SASH1: variants seen among roughly 807,000 people sequenced by gnomAD.
SASH1 encodes the protein SAM and SH3 domain-containing protein 1.
In SASH1, 44 loss-of-function variants were observed where a neutral mutation model predicts 125.2. That is an observed-to-expected ratio of 0.35 (90% confidence interval 0.28 to 0.45). SASH1 has a LOEUF of 0.45. Ranked by LOEUF, SASH1 falls within the 20% of genes least tolerant of loss-of-function variation. The pLI is 1.00. For missense variants in SASH1, 1,426 were observed against 1,614.5 expected (o/e 0.88, Z 2.00); for synonymous variants, 639 against 649.1 (o/e 0.98, Z 0.24).
intron 15 of SASH1, among the ~76,000 whole-genome samples, 184 bp downstream of exon 15, chr6:148,534,164 C>T (rs1034912603): frequency 6.6e-6 from 1 of 152,138 alleles, no homozygotes; most frequent in Non-Finnish European, 1.5e-5. Flanking sequence ...ACCAGTTTTC[C>T]AACACTGCCC....
In SASH1 at chr6:148,548,517, G is replaced by T; in HGVS notation, c.3703G>T (p.Ala1235Ser). 1.2e-6 allele frequency: 2 copies of T among 1,613,292 alleles called. No individual in the cohort carries two copies. The highest frequency in any genetic ancestry group is 8.5e-7 in the Non-Finnish European group (1 of 1,179,596). The stretch of plus-strand genomic sequence containing the variant: ...ACACATAAGAAAGCTCCTATCTGCA[G>T]CCAGACTCTTCAAACTGCCGCCAGG... ...ERHIRKLLSA[A>S]RLFKLPPGPE... is the part of the protein sequence containing the mutation. Residue 1235 changes from alanine to serine, a missense_variant, in exon 20 of 20, where the codon GCC becomes TCC. Ala to Ser is a moderately conservative substitution (Grantham distance 99). Coordinates refer to ENST00000367467, the MANE Select transcript of SASH1 (RefSeq NM_015278.5).
rs115853453 is a variant in SASH1, at chr6:148,297,195, C to T, written n.74+24818C>T. On this transcript the variant is annotated intron_variant and non_coding_transcript_variant, in intron 1 of 3. Transcript: ENST00000367469. ...GGTGCACGCTGTCGCGGGGAGCAGC[C>T]GACCTTCCAGAACTACAAAGGAGAG... Among the ~76,000 whole-genome samples, 228 of 152,322 alleles carry T rather than the reference C, an allele frequency of 1.5e-3. 1 individual carries two copies. The highest frequency in any genetic ancestry group is 5.3e-3 in the African/African-American group (221 of 41,582).
intron 19 of SASH1, among the ~76,000 whole-genome samples, chr6:148,546,439 CAGG>C (rs1288108947): frequency 1.3e-5 from 2 of 152,156 alleles, no homozygotes; most frequent in African/African-American, 4.8e-5. Context: ...GAGGCAGAAG[CAGG>C]AGGATTGCTT....
the SASH1 span, among the ~76,000 whole-genome samples, chr6:148,212,368 A>C: frequency 1.3e-5 from 2 of 152,202 alleles, no homozygotes; most frequent in Non-Finnish European, 2.9e-5. Context: ...TTGGTGTCTC[A>C]ACAGTGATTA....
At chr6:148,444,010 C>T (rs773172308) in intron 4 of SASH1, among the ~76,000 whole-genome samples, 1 of 152,170 alleles carries the variant, frequency 6.6e-6, no homozygotes, top group African/African-American at 2.4e-5. Flanking sequence ...GTTTTCTCTG[C>T]TTTTTATTCC....
intron 2 of SASH1, among the ~76,000 whole-genome samples, chr6:148,425,704 C>G (rs1293097941): frequency 2.2e-5 from 2 of 89,030 alleles, no homozygotes; most frequent in East Asian, 8.0e-4. Context: ...CTCCCCTTCT[C>G]CCCTCCCATC....
chr6:148,350,968 C>T (rs193096181), intron 1 of SASH1, among the ~76,000 whole-genome samples: 126 of 152,282 alleles, frequency 8.3e-4, no homozygotes, highest in South Asian at 1.2e-3. Context: ...AGATGTTGAA[C>T]GTCCCTTCTT....
At chr6:148,242,533 C>G in the SASH1 span, among the ~76,000 whole-genome samples, 1 of 152,190 alleles carries the variant, frequency 6.6e-6, no homozygotes, top group African/African-American at 2.4e-5. Flanking sequence ...CGTCCGTTTG[C>G]ATCTGTTTCA....
the SASH1 span, among the ~76,000 whole-genome samples, chr6:148,234,109 A>G: frequency 6.6e-6 from 1 of 151,852 alleles, no homozygotes; most frequent in Non-Finnish European, 1.5e-5. Context: ...GCCCTCATAG[A>G]TCACTGCAGC....
intron 2 of SASH1, among the ~76,000 whole-genome samples, chr6:148,414,305 C>G (rs952523928): frequency 2.6e-5 from 4 of 151,904 alleles, no homozygotes; most frequent in Non-Finnish European, 5.9e-5. Flanking sequence ...ATGTCTTTAG[C>G]AGAGAATTGA....
chr6:148,459,993 T>A lies in SASH1; in HGVS notation c.387-8552T>A, dbSNP rs563409627. Among the ~76,000 whole-genome samples the A allele has an allele frequency of 2.6e-5, 4 of 152,310 alleles. No homozygotes were observed. In the South Asian group the frequency reaches 8.3e-4, roughly 32 times the overall value. ...TGCCACTTCCTGGGTAGTGGCCTTA[T>A]GACAGCATTTGAGACATCCTTCACA... is the stretch of plus-strand genomic sequence containing the variant. On this transcript the variant is annotated intron_variant, in intron 4 of 19. Coordinates refer to ENST00000367467, the MANE Select transcript of SASH1 (RefSeq NM_015278.5).
At chr6:148,410,887 C>T (rs1784595970) in intron 2 of SASH1, among the ~76,000 whole-genome samples, 1 of 152,136 alleles carries the variant, frequency 6.6e-6, no homozygotes, top group Non-Finnish European at 1.5e-5. Context: ...CGGCCGGGCA[C>T]AGTGGCTCAT....
chr6:148,295,938 T>C (rs1163977922), intron 1 of SASH1, among the ~76,000 whole-genome samples: 8 of 152,238 alleles, frequency 5.3e-5, no homozygotes, highest in Admixed American at 4.6e-4. Context: ...AGTCCAATTT[T>C]TCCAAACAAT....
At chr6:148,327,969 G>T (rs1260082489) in intron 1 of SASH1, among the ~76,000 whole-genome samples, 1 of 150,336 alleles carries the variant, frequency 6.7e-6, no homozygotes, top group Non-Finnish European at 1.5e-5. Context: ...AAAAGAAAAA[G>T]AAAAAAGAAC....
intron 1 of SASH1, among the ~76,000 whole-genome samples, chr6:148,282,610 G>A (rs1779371275): frequency 3.3e-5 from 5 of 152,024 alleles, no homozygotes; most frequent in Admixed American, 3.3e-4. Flanking sequence ...TTGAACTCCT[G>A]ACCTTGTGAT....
In SASH1 at chr6:148,532,937, C is replaced by T. The variant is rs1378777761; in HGVS notation, c.1705C>T (p.Pro569Ser). Residue 569 changes from proline to serine, a missense_variant, in exon 14 of 20, where the codon CCC becomes TCC. Pro to Ser is a moderately conservative substitution (Grantham distance 74, BLOSUM62 -1). This residue lies in a region of SASH1 where 225 missense variants were observed against 344.5 expected (regional missense o/e 0.65). Coordinates refer to ENST00000367467, the MANE Select transcript of SASH1 (RefSeq NM_015278.5). This position sits in a 1 kb window ranked among gnomAD's most constrained non-coding sequence, Gnocchi z 4.7. ...ARVHTDFTPSPYDTDSLKLKK... is the reference protein window; with the variant it reads ...ARVHTDFTPSSYDTDSLKLKK... ...GGTGCACACCGACTTCACCCCCAGT[C>T]CCTATGACACAGACTCACTCAAGCT... is the stretch of plus-strand genomic sequence containing the variant. 6.2e-7 allele frequency: 1 copy of T among 1,614,160 alleles called. No individual in the cohort carries two copies. The highest frequency in any genetic ancestry group is 2.2e-5 in the East Asian group (1 of 44,882).
In SASH1 at chr6:148,544,512, C is replaced by T. The variant is rs151188562; in HGVS notation, c.3042C>T (p.Pro1014=). The change falls in exon 18 of 20, where the codon CCC becomes CCT. Residue 1014 remains proline, a synonymous_variant. Coordinates refer to ENST00000367467, the MANE Select transcript of SASH1 (RefSeq NM_015278.5). This position sits in a 1 kb window ranked among gnomAD's most constrained non-coding sequence, Gnocchi z 6.4. ...GCCCCAGTGGGGCCCTCCCCAGTCC[C>T]GATGCGCCATGCCTGCCAGTGAAAA... ...PMGPSGALPS[P]DAPCLPVKRG... 54 of 1,613,444 alleles carry T rather than the reference C, an allele frequency of 3.3e-5. No individual in the cohort carries two copies. The highest frequency in any genetic ancestry group is 2.9e-4 in the African/African-American group (22 of 74,926).
chr6:148,467,136 G>C (rs188964686), intron 4 of SASH1, among the ~76,000 whole-genome samples: 90 of 106,052 alleles, frequency 8.5e-4, no homozygotes, highest in African/African-American at 3.3e-3. Context: ...TCACTCTGTT[G>C]CCCAGTCTGG....
chr6:148,522,896 A>AAGTT (rs1179464374), intron 10 of SASH1, among the ~76,000 whole-genome samples: 2 of 152,204 alleles, frequency 1.3e-5, no homozygotes, highest in East Asian at 1.9e-4. Flanking sequence ...CTTATAGAAA[A>AAGTT]AGTTAGAAAT....
Sources: gnomAD v4.1 joint callset for allele counts (sites outside exome capture counted in the v4.1 genomes callset) on GRCh38, gnomAD v4.1.1 for gene constraint, gnomAD v4.1.1 regional missense constraint, Gnocchi (gnomAD v3.1) non-coding constraint, MANE v1.5 for transcripts, NCBI Gene and HGNC (gene_info 2026-07-23, HGNC 2026-07-21) for gene names.